The following SH3RF1 variants were observed in gnomAD, a reference collection of about 807,000 sequenced individuals.
SH3RF1 encodes E3 ubiquitin-protein ligase SH3RF1.
In SH3RF1, 32 loss-of-function variants were observed where a neutral mutation model predicts 74.0. The observed-to-expected ratio is 0.43, with a 90% CI of 0.33 to 0.58. The LOEUF is 0.58. Among genes scored for constraint, SH3RF1 ranks in the 20% least tolerant of loss-of-function variants. The pLI is 0.05. For synonymous variants in SH3RF1, 396 were observed against 439.6 expected (o/e 0.90, Z 1.24); for missense variants, 954 against 1,130.9 (o/e 0.84, Z 2.24).
At chr4:169,227,704 GAAAC>G (rs1286362296) in intron 2 of SH3RF1, among the ~76,000 whole-genome samples, 3 of 152,126 alleles carry the variant, frequency 2.0e-5, no homozygotes, top group Non-Finnish European at 2.9e-5. Flanking sequence ...CAGTGGCCTG[GAAAC>G]AACTTACAGG....
At chr4:169,201,890 G>A (rs1734915494) in intron 2 of SH3RF1, 1 of 152,174 alleles carries the variant, frequency 6.6e-6, no homozygotes, top group African/African-American at 2.4e-5. Flanking sequence ...TAGTAGCACA[G>A]GATACTTGGT....
intron 2 of SH3RF1, among the ~76,000 whole-genome samples, chr4:169,233,889 G>GC (rs1730783579): frequency 6.6e-6 from 1 of 151,938 alleles, no homozygotes; most frequent in Non-Finnish European, 1.5e-5. Flanking sequence ...CTCTATTTCC[G>GC]CCCCTGCCTC....
chr4:169,263,134 C>T (rs139608795), intron 2 of SH3RF1, among the ~76,000 whole-genome samples: 10 of 151,628 alleles, frequency 6.6e-5, no homozygotes, highest in African/African-American at 2.2e-4. Context: ...CCCATCTGTG[C>T]GAAGACAACA....
intron 2 of SH3RF1, among the ~76,000 whole-genome samples, chr4:169,199,334 A>G (rs910481839): frequency 6.6e-5 from 10 of 152,214 alleles, no homozygotes; most frequent in East Asian, 1.9e-4. Flanking sequence ...CATCATTCTC[A>G]TAACAGTCTA....
At chr4:169,169,315 G>A (rs753076599) in intron 2 of SH3RF1, among the ~76,000 whole-genome samples, 1 of 152,120 alleles carries the variant, frequency 6.6e-6, no homozygotes, top group Non-Finnish European at 1.5e-5. Context: ...AATAACAAGA[G>A]ACTGGGTGCA....
chr4:169,250,635 A>T (rs756300465), intron 2 of SH3RF1, among the ~76,000 whole-genome samples: 2 of 152,214 alleles, frequency 1.3e-5, no homozygotes, highest in Non-Finnish European at 2.9e-5. Context: ...GACAGGAATA[A>T]ATTTAATCAA....
intron 2 of SH3RF1, among the ~76,000 whole-genome samples, chr4:169,158,539 T>C (rs1414737986): frequency 6.6e-6 from 1 of 152,252 alleles, no homozygotes; most frequent in Non-Finnish European, 1.5e-5. Context: ...GTCATTTCCA[T>C]GTTTAATGCA....
chr4:169,135,299 C>A (rs772780653), intron 5 of SH3RF1, among the ~76,000 whole-genome samples: 1 of 151,960 alleles, frequency 6.6e-6, no homozygotes, highest in African/African-American at 2.4e-5. Context: ...TTTTGAGGAC[C>A]AGGACTGGTA....
At chr4:169,112,393 T>G (rs761833603) in intron 10 of SH3RF1, among the ~76,000 whole-genome samples, 1 of 152,124 alleles carries the variant, frequency 6.6e-6, no homozygotes, top group Non-Finnish European at 1.5e-5. Context: ...TATTGAGAAC[T>G]TGGAATAAAG....
At chr4:169,225,650 T>G (rs1179035684) in intron 2 of SH3RF1, among the ~76,000 whole-genome samples, 1 of 151,984 alleles carries the variant, frequency 6.6e-6, no homozygotes, top group Non-Finnish European at 1.5e-5. Context: ...AGGAAGTGAG[T>G]CAGTCTGAGG....
intron 2 of SH3RF1, chr4:169,201,673 T>C (rs183215221): frequency 2.0e-5 from 3 of 152,356 alleles, no homozygotes; most frequent in South Asian, 4.1e-4. Flanking sequence ...GTATTCATAA[T>C]ACCATAATCA....
intron 2 of SH3RF1, among the ~76,000 whole-genome samples, chr4:169,265,277 A>G (rs1282578734): frequency 2.6e-5 from 4 of 152,214 alleles, no homozygotes; most frequent in African/African-American, 9.6e-5. Flanking sequence ...TGAGTGCTTA[A>G]GAAGTATTTA....
intron 6 of SH3RF1, among the ~76,000 whole-genome samples, chr4:169,123,457 C>A (rs886968273): frequency 1.3e-5 from 2 of 152,152 alleles, no homozygotes; most frequent in Non-Finnish European, 2.9e-5. Context: ...AAAGTGGTTG[C>A]AGAACATTTA....
chr4:169,243,077 A>G (rs1275837339), intron 2 of SH3RF1, among the ~76,000 whole-genome samples: 1 of 152,138 alleles, frequency 6.6e-6, no homozygotes, highest in East Asian at 1.9e-4. Flanking sequence ...CCTTCTCCCA[A>G]ATCCATACTA....
chr4:169,160,235 G>T (rs1321017488), intron 2 of SH3RF1, among the ~76,000 whole-genome samples: 1 of 152,118 alleles, frequency 6.6e-6, no homozygotes, highest in Non-Finnish European at 1.5e-5. Flanking sequence ...GAAGAGATCT[G>T]TAAAATTCCA....
At chr4:169,104,977 T>C (rs922203562) in intron 11 of SH3RF1, among the ~76,000 whole-genome samples, 3 of 152,236 alleles carry the variant, frequency 2.0e-5, no homozygotes, top group Admixed American at 6.5e-5. Context: ...TTCTTTTCCA[T>C]TTTTCCCAGT....
chr4:169,131,080 T>C (rs1733611263), intron 5 of SH3RF1, among the ~76,000 whole-genome samples: 1 of 152,178 alleles, frequency 6.6e-6, no homozygotes. Context: ...TCCCACACAT[T>C]GAAAGAAAGA....
chr4:169,180,873 T>C (rs1212069270), intron 2 of SH3RF1, among the ~76,000 whole-genome samples: 2 of 152,192 alleles, frequency 1.3e-5, no homozygotes, highest in Non-Finnish European at 2.9e-5. Context: ...TAAGAAAATA[T>C]TGTTAAATAT....
intron 2 of SH3RF1, among the ~76,000 whole-genome samples, chr4:169,188,085 TC>T (rs2126982916): frequency 6.6e-6 from 1 of 152,138 alleles, no homozygotes; most frequent in African/African-American, 2.4e-5. Context: ...AAGGGATTCT[TC>T]CTAGAGCCTT....
Sources: gnomAD v4.1 joint callset for allele counts (sites outside exome capture counted in the v4.1 genomes callset) on GRCh38, gnomAD v4.1.1 for gene constraint, MANE v1.5 for transcripts, NCBI Gene and HGNC (gene_info 2026-07-23, HGNC 2026-07-21) for gene names.